AUTS2: variants seen among roughly 807,000 people sequenced by gnomAD.
AUTS2 encodes the protein activator of transcription and developmental regulator AUTS2.
AUTS2 carries 17 observed loss-of-function variants against 112.4 expected under a neutral mutation model. That is an observed-to-expected ratio of 0.15 (90% CI 0.10 to 0.23). The LOEUF (loss-of-function observed/expected upper bound fraction) is 0.23, where lower values mean the gene tolerates loss of function less well. Ranked by LOEUF, AUTS2 falls within the 10% of genes least tolerant of loss-of-function variation. AUTS2 has a pLI of 1.00. For synonymous variants in AUTS2, 751 were observed against 702.7 expected, an observed-to-expected ratio of 1.07 and a Z score of -1.09; for missense variants, 1,510 against 1,701.6, an observed-to-expected ratio of 0.89 and a Z score of 1.98.
chr7:70,708,884 A>G (rs951565647), intron 6 of AUTS2, among the ~76,000 whole-genome samples: 4 of 149,392 alleles, frequency 2.7e-5, no homozygotes, highest in African/African-American at 9.8e-5. Context: ...CACTTTTTTC[A>G]CGTTTCTTCA....
At chr7:70,745,080 A>G (rs765785629) in intron 6 of AUTS2, among the ~76,000 whole-genome samples, 5 of 151,896 alleles carry the variant, frequency 3.3e-5, no homozygotes, top group Non-Finnish European at 5.9e-5. Context: ...TACCCTCTGC[A>G]TTTGAGAAAA....
chr7:69,628,019 AT>A (rs1317701152), intron 1 of AUTS2, among the ~76,000 whole-genome samples: 1 of 152,198 alleles, frequency 6.6e-6, no homozygotes, highest in Non-Finnish European at 1.5e-5. Flanking sequence ...TGTTTCAGGC[AT>A]TTCTTGTATT....
intron 4 of AUTS2, among the ~76,000 whole-genome samples, chr7:70,163,049 G>C (rs1808177247): frequency 6.6e-6 from 1 of 151,970 alleles, no homozygotes; most frequent in African/African-American, 2.4e-5. Context: ...AGATGACTTT[G>C]CCTTTCTTGT....
intron 1 of AUTS2, among the ~76,000 whole-genome samples, chr7:69,708,493 C>G (rs908260600): frequency 6.6e-6 from 1 of 152,110 alleles, no homozygotes; most frequent in Non-Finnish European, 1.5e-5. Flanking sequence ...GAGCTGTCTT[C>G]GAGGGAAGTG....
intron 5 of AUTS2, among the ~76,000 whole-genome samples, chr7:70,685,734 A>C (rs1380288987): frequency 6.6e-6 from 1 of 152,146 alleles, no homozygotes; most frequent in Non-Finnish European, 1.5e-5. Context: ...AAAACTGCGG[A>C]GAGCTCAGCC....
chr7:70,541,572 A>G (rs1233610476), intron 5 of AUTS2, among the ~76,000 whole-genome samples: 1 of 152,250 alleles, frequency 6.6e-6, no homozygotes, highest in African/African-American at 2.4e-5. Context: ...GATCCAATAT[A>G]CTGCTATTTC....
intron 4 of AUTS2, among the ~76,000 whole-genome samples, chr7:70,307,004 A>G (rs1306209806): frequency 6.6e-6 from 1 of 152,140 alleles, no homozygotes; most frequent in African/African-American, 2.4e-5. Context: ...AAATTCTTAG[A>G]TAACTGTTTT....
chr7:70,610,004 TTG>T (rs1804002389), intron 5 of AUTS2, among the ~76,000 whole-genome samples: 2 of 144,750 alleles, frequency 1.4e-5, no homozygotes, highest in Non-Finnish European at 3.0e-5. Flanking sequence ...TGTTGTTGTT[TTG>T]AGACAGAATC....
At chr7:70,627,590 A>G (rs1310915566) in intron 5 of AUTS2, among the ~76,000 whole-genome samples, 2 of 152,180 alleles carry the variant, frequency 1.3e-5, no homozygotes, top group South Asian at 2.1e-4. Flanking sequence ...CTCAATCACA[A>G]TTTGCTCTAG....
intron 5 of AUTS2, among the ~76,000 whole-genome samples, chr7:70,585,279 T>C (rs1286586415): frequency 6.6e-6 from 1 of 152,176 alleles, no homozygotes; most frequent in African/African-American, 2.4e-5. Flanking sequence ...GAGGAGACTC[T>C]AGTCCTCTGG....
intron 4 of AUTS2, among the ~76,000 whole-genome samples, chr7:70,307,049 G>A (rs547808268): frequency 9.3e-4 from 142 of 152,236 alleles, no homozygotes; most frequent in African/African-American, 3.3e-3. Flanking sequence ...TTGCCTCATT[G>A]TATAATCAAG....
chr7:70,463,186 C>T (rs1585175348), intron 5 of AUTS2, among the ~76,000 whole-genome samples: 2 of 152,210 alleles, frequency 1.3e-5, no homozygotes, highest in South Asian at 4.1e-4. Context: ...TTTCTTGGAG[C>T]TCTCCAGCCA....
At chr7:69,899,594 T>C in intron 2 of AUTS2, 96 bp downstream of exon 2, 1 of 1,171,868 alleles carries the variant, frequency 8.5e-7, no homozygotes, top group Non-Finnish European at 1.2e-6. Flanking sequence ...GGAGAAGATA[T>C]CCTTGGTGGG....
At chr7:69,794,058 C>T (rs1396032681) in intron 1 of AUTS2, among the ~76,000 whole-genome samples, 1 of 152,178 alleles carries the variant, frequency 6.6e-6, no homozygotes, top group Non-Finnish European at 1.5e-5. Context: ...GATTAAAATA[C>T]TGCATCAAGG....
At chr7:70,516,110 T>G (rs1799406292) in intron 5 of AUTS2, among the ~76,000 whole-genome samples, 1 of 152,230 alleles carries the variant, frequency 6.6e-6, no homozygotes, top group Non-Finnish European at 1.5e-5. Context: ...CTCTTTCAGA[T>G]GATTGAATGT....
At chr7:70,528,097 T>TA (rs1563018032) in intron 5 of AUTS2, among the ~76,000 whole-genome samples, 13 of 92,208 alleles carry the variant, frequency 1.4e-4, no homozygotes, top group African/African-American at 4.1e-4. Context: ...TTAAGGATTT[T>TA]TTTTTTTTTT....
At chr7:70,022,642 C>T (rs1800327794) in intron 2 of AUTS2, among the ~76,000 whole-genome samples, 1 of 151,884 alleles carries the variant, frequency 6.6e-6, no homozygotes, top group South Asian at 2.1e-4. Flanking sequence ...ATTTTCACAC[C>T]TTTTTGATTC....
intron 2 of AUTS2, among the ~76,000 whole-genome samples, chr7:70,072,527 G>GT (rs1802823826): frequency 2.0e-5 from 3 of 152,176 alleles, no homozygotes; most frequent in Non-Finnish European, 4.4e-5. Flanking sequence ...TCAGCTGAAA[G>GT]TAATGTGCTG....
chr7:70,779,513 T>C (rs2049634), intron 14 of AUTS2, among the ~76,000 whole-genome samples: 134,310 of 152,232 alleles, frequency 0.88, 59,427 homozygotes, highest in East Asian at 0.95. Flanking sequence ...GGGTAGCTTT[T>C]GCTTTCAGTA....
Sources: allele counts gnomAD v4.1 joint callset (sites outside exome capture counted in the v4.1 genomes callset), GRCh38; gene constraint gnomAD v4.1.1; transcripts MANE v1.5; gene names NCBI Gene and HGNC (gene_info 2026-07-23, HGNC 2026-07-21).